Variants in ACTR3C observed in about 807,000 individuals in gnomAD.
ACTR3C encodes the protein actin-related protein 3C.
Under a neutral mutation model 26.3 loss-of-function variants are expected in ACTR3C, and 18 were observed. That is an observed-to-expected ratio of 0.68 (90% CI 0.47 to 1.01). The LOEUF is 1.01. Ranked by LOEUF, ACTR3C falls within the 50% of genes least tolerant of loss-of-function variation. The pLI is 0.00. For missense variants in ACTR3C, 184 were observed against 250.7 expected, an observed-to-expected ratio of 0.73 and a Z score of 1.80; for synonymous variants, 55 against 94.5, an observed-to-expected ratio of 0.58 and a Z score of 2.42.
At chr7:150,304,912 T>C (rs1196105386) in intron 1 of ACTR3C, among the ~76,000 whole-genome samples, 1 of 152,170 alleles carries the variant, frequency 6.6e-6, no homozygotes, top group Non-Finnish European at 1.5e-5. Flanking sequence ...CCATGAGTGA[T>C]ACAATGTCTG....
chr7:149,924,625 C>G, the ACTR3C span, among the ~76,000 whole-genome samples: 8 of 152,026 alleles, frequency 5.3e-5, no homozygotes, highest in Non-Finnish European at 8.8e-5. Flanking sequence ...GCCAATAACA[C>G]GTTTTGGTTT....
chr7:150,089,485 G>A, the ACTR3C span, among the ~76,000 whole-genome samples: 2 of 152,246 alleles, frequency 1.3e-5, no homozygotes, highest in African/African-American at 4.8e-5. Flanking sequence ...ACAGAGTTGG[G>A]TCAAGGGAGT....
At chr7:150,128,010 T>C in the ACTR3C span, among the ~76,000 whole-genome samples, 4 of 147,606 alleles carry the variant, frequency 2.7e-5, no homozygotes, top group East Asian at 7.9e-4. Flanking sequence ...ACTAATACAA[T>C]ACTGAGGCTC....
chr7:150,195,878 CA>C, the ACTR3C span, among the ~76,000 whole-genome samples: 4 of 150,964 alleles, frequency 2.6e-5, no homozygotes, highest in East Asian at 3.9e-4. Flanking sequence ...GACTCTGTCT[CA>C]AAAAAAAATA....
At chr7:150,253,938 T>G (rs1405362822) in intron 6 of ACTR3C, among the ~76,000 whole-genome samples, 1 of 151,970 alleles carries the variant, frequency 6.6e-6, no homozygotes, top group African/African-American at 2.4e-5. Flanking sequence ...GCATTTTCAC[T>G]GGTATCATTG....
At chr7:150,162,079 T>G in the ACTR3C span, among the ~76,000 whole-genome samples, 1 of 152,256 alleles carries the variant, frequency 6.6e-6, no homozygotes, top group African/African-American at 2.4e-5. Context: ...AATTTTTACT[T>G]AAGTCCTTAT....
the ACTR3C span, among the ~76,000 whole-genome samples, chr7:150,039,950 G>A: frequency 7.3e-6 from 1 of 136,138 alleles, no homozygotes; most frequent in East Asian, 2.4e-4. Flanking sequence ...GAGGAAAGGG[G>A]GAGGTTCGCA....
At chr7:150,037,623 C>A in the ACTR3C span, among the ~76,000 whole-genome samples, 16 of 73,628 alleles carry the variant, frequency 2.2e-4, no homozygotes, top group Non-Finnish European at 4.2e-4. Flanking sequence ...AGGTACCTGC[C>A]GTCGGAAGAT....
chr7:150,088,980 A>G, the ACTR3C span, among the ~76,000 whole-genome samples: 1 of 152,240 alleles, frequency 6.6e-6, no homozygotes, highest in Non-Finnish European at 1.5e-5. Context: ...AGCCTTGGCT[A>G]CCAGCACCAA....
the ACTR3C span, among the ~76,000 whole-genome samples, chr7:150,103,442 T>C: frequency 6.6e-6 from 1 of 151,680 alleles, no homozygotes; most frequent in Admixed American, 6.6e-5. Context: ...CGCTGGTGAG[T>C]GGGGAGTGGA....
At chr7:150,165,110 C>T in the ACTR3C span, among the ~76,000 whole-genome samples, 9 of 152,150 alleles carry the variant, frequency 5.9e-5, no homozygotes, top group South Asian at 2.1e-4. Context: ...CATGGTGTGC[C>T]TGCTCCTGAC....
At chr7:150,288,879 G>T (rs1292937755) in intron 4 of ACTR3C, among the ~76,000 whole-genome samples, 10 of 151,408 alleles carry the variant, frequency 6.6e-5, no homozygotes, top group Non-Finnish European at 1.3e-4. Flanking sequence ...ATCATCTCTG[G>T]TGCTTCCTTT....
chr7:150,095,695 C>A, the ACTR3C span, among the ~76,000 whole-genome samples: 1 of 149,416 alleles, frequency 6.7e-6, no homozygotes, highest in East Asian at 1.9e-4. Context: ...AGACAGAAGG[C>A]AATGGCATCT....
At chr7:150,110,725 G>A in the ACTR3C span, among the ~76,000 whole-genome samples, 1 of 146,524 alleles carries the variant, frequency 6.8e-6, no homozygotes, top group Admixed American at 6.8e-5. Flanking sequence ...TGAGGGTGGG[G>A]CTTAGAAGGG....
At chr7:150,109,969 C>T in the ACTR3C span, among the ~76,000 whole-genome samples, 1 of 146,378 alleles carries the variant, frequency 6.8e-6, no homozygotes, top group Non-Finnish European at 1.5e-5. Flanking sequence ...TAGGCAATAC[C>T]TGGGGACAGT....
the ACTR3C span, among the ~76,000 whole-genome samples, chr7:150,039,234 G>A: frequency 6.7e-6 from 1 of 149,698 alleles, no homozygotes; most frequent in African/African-American, 2.5e-5. Context: ...AGAGCCAGTG[G>A]GGGAACCAGG....
the ACTR3C span, among the ~76,000 whole-genome samples, chr7:150,101,519 T>G: frequency 2.6e-5 from 4 of 151,626 alleles, no homozygotes; most frequent in Non-Finnish European, 4.4e-5. Context: ...CACAAAACAA[T>G]ACAGCTCAGG....
At chr7:150,113,884 C>T in the ACTR3C span, among the ~76,000 whole-genome samples, 3 of 151,914 alleles carry the variant, frequency 2.0e-5, no homozygotes, top group African/African-American at 7.3e-5. Context: ...TTTTATCTCA[C>T]AGCTTCATTC....
chr7:150,039,672 G>T, the ACTR3C span, among the ~76,000 whole-genome samples: 1 of 125,924 alleles, frequency 7.9e-6, no homozygotes, highest in Admixed American at 8.9e-5. Context: ...AGGATCTTAG[G>T]ATCAACGATG....
Sources: gnomAD v4.1 joint callset for allele counts (sites outside exome capture counted in the v4.1 genomes callset) on GRCh38, gnomAD v4.1.1 for gene constraint, MANE v1.5 for transcripts, NCBI Gene and HGNC (gene_info 2026-07-23, HGNC 2026-07-21) for gene names.